GDAP1: variants seen among roughly 807,000 people sequenced by gnomAD.
GDAP1 encodes ganglioside induced differentiation associated protein 1, also known as ganglioside-induced differentiation-associated protein 1.
A neutral mutation model predicts 40.1 loss-of-function variants in GDAP1; 34 were observed. That is an observed-to-expected ratio of 0.85 (90% CI 0.64 to 1.13). The LOEUF is 1.13. GDAP1 is among the 50% of genes most tolerant of loss of function. The probability of loss-of-function intolerance (pLI) is 0.00; values close to 1 mark genes in which losing one functional copy is unlikely to be tolerated. For missense variants in GDAP1, 374 were observed against 433.7 expected (o/e 0.86, Z 1.22); for synonymous variants, 170 against 157.4 (o/e 1.08, Z -0.60).
rs200091629 is a variant in GDAP1, at chr8:74,416,936, T to G, written c.165+65615T>G. 1.0e-3 allele frequency among the ~76,000 whole-genome samples: 131 copies of G among 127,398 alleles called. 1 individual carries two copies. Among genetic ancestry groups the G allele is most frequent in the Non-Finnish European group, 1.4e-3 (80 of 58,948 alleles). The allele number at this position is 127,398 out of a possible 152,430, so 83.6% of individuals were successfully genotyped here. Reference sequence around the variant, plus strand: ...TTTGTTTTTTTGTTTTTTGTTTTTTTTTTTTTTAACAGAGGCATAGTGCAC... The same window carrying G: ...TTTGTTTTTTTGTTTTTTGTTTTTTGTTTTTTTAACAGAGGCATAGTGCAC... On this transcript the variant is annotated intron_variant, in intron 2 of 2. Transcript: ENST00000523640.
intron 2 of GDAP1, among the ~76,000 whole-genome samples, chr8:74,388,613 T>G (rs1193818607): frequency 6.6e-6 from 1 of 152,200 alleles, no homozygotes; most frequent in Non-Finnish European, 1.5e-5. Context: ...GTGGTCGATT[T>G]TATAATAAGG....
chr8:74,366,557 C>T lies in GDAP1; in HGVS notation c.*2190C>T, dbSNP rs760364158. ...TGTGTATTTTCTTTTTCATGATTAT[C>T]GGTGACTGGTCAGTGTACTCATCAA... On this transcript the variant is annotated 3_prime_UTR_variant, in exon 6 of 6. Coordinates refer to ENST00000220822, the MANE Select transcript of GDAP1 (RefSeq NM_018972.4). The T allele has an allele frequency of 1.5e-5, 7 of 453,590 alleles. No homozygotes were observed. The highest frequency in any genetic ancestry group is 6.8e-4 in the Middle Eastern group (1 of 1,466). 28.1% of individuals were successfully genotyped at this position (453,590 alleles called of 1,614,324 possible). A position where few individuals can be genotyped will look rare whatever the true frequency, so the allele number is the denominator to read the frequency against.
chr8:74,483,639 C>T (rs1806740523), intron 2 of GDAP1, among the ~76,000 whole-genome samples: 1 of 152,138 alleles, frequency 6.6e-6, no homozygotes, highest in Non-Finnish European at 1.5e-5. Flanking sequence ...CTCAGAGGCA[C>T]TACTAAGCAG....
downstream of GDAP1, among the ~76,000 whole-genome samples, chr8:74,370,454 T>G (rs1809728817): frequency 6.6e-6 from 1 of 152,192 alleles, no homozygotes; most frequent in Admixed American, 6.5e-5. Flanking sequence ...AAGGGTGAAG[T>G]AGTGCAATTT....
intron 2 of GDAP1, among the ~76,000 whole-genome samples, chr8:74,352,511 G>A (rs1355221837): frequency 6.6e-6 from 1 of 152,362 alleles, no homozygotes; most frequent in Non-Finnish European, 1.5e-5. Flanking sequence ...GAAGGAAAAT[G>A]AGTATTATTA....
At chr8:74,419,040 G>A (rs1229087167) in intron 2 of GDAP1, among the ~76,000 whole-genome samples, 1 of 152,156 alleles carries the variant, frequency 6.6e-6, no homozygotes, top group Admixed American at 6.6e-5. Flanking sequence ...CCAAGTGCGG[G>A]AGAATGCAGA....
chr8:74,457,943 G>A (rs1454206347), intron 2 of GDAP1, among the ~76,000 whole-genome samples: 1 of 151,984 alleles, frequency 6.6e-6, no homozygotes, highest in African/African-American at 2.4e-5. Context: ...CATAGTCCTT[G>A]GAAGTAGTGT....
At chr8:74,459,290 A>G (rs535018928) in intron 2 of GDAP1, among the ~76,000 whole-genome samples, 1 of 152,332 alleles carries the variant, frequency 6.6e-6, no homozygotes, top group East Asian at 1.9e-4. Context: ...GAGGAGAATG[A>G]GACCTAGAGA....
chr8:74,439,104 G>A (rs555629832), intron 2 of GDAP1, among the ~76,000 whole-genome samples: 1 of 151,600 alleles, frequency 6.6e-6, no homozygotes, highest in Non-Finnish European at 1.5e-5. Context: ...GTAGTCAAAT[G>A]TATTCATCTT....
In GDAP1 at chr8:74,416,933, T is replaced by TG. The variant is rs924519897; in HGVS notation, c.165+65612_165+65613insG. Among the ~76,000 whole-genome samples the TG allele has an allele frequency of 1.2e-4, 18 of 144,290 alleles. 3 individuals carry two copies. The highest frequency in any genetic ancestry group is 4.7e-4 in the African/African-American group (17 of 36,420). The allele number at this position is 144,290 out of a possible 152,430, so 94.7% of individuals were successfully genotyped here. On this transcript the variant is annotated intron_variant, in intron 2 of 2. Transcript: ENST00000523640. Reference sequence around the variant, plus strand: ...TTTTTTGTTTTTTTGTTTTTTGTTTTTTTTTTTTTTAACAGAGGCATAGTG... The same window carrying TG: ...TTTTTTGTTTTTTTGTTTTTTGTTTTGTTTTTTTTTTAACAGAGGCATAGTG...
In GDAP1 at chr8:74,366,825, T is replaced by C. The variant is rs1809659955; in HGVS notation, c.*2458T>C. The C allele has an allele frequency of 2.2e-6, 1 of 449,724 alleles. No individual in the cohort carries two copies. The highest frequency in any genetic ancestry group is 2.4e-5 in the Admixed American group (1 of 41,718). 27.9% of individuals were successfully genotyped at this position (449,724 alleles called of 1,614,324 possible). ...TGCAGTAGAGAGACCAAGACACTAT[T>C]CTGTAAGATCAATAAAAGTAATTGG... On this transcript the variant is annotated 3_prime_UTR_variant, in exon 6 of 6. Coordinates refer to ENST00000220822, the MANE Select transcript of GDAP1 (RefSeq NM_018972.4).
At chr8:74,350,776 G>A (rs143803734) in intron 1 of GDAP1, among the ~76,000 whole-genome samples, 198 bp downstream of exon 1, 291 of 152,346 alleles carry the variant, frequency 1.9e-3, no homozygotes, top group African/African-American at 6.5e-3. Flanking sequence ...ATCCTATGTG[G>A]CTATGGCCCA....
chr8:74,407,229 C>T lies in GDAP1; in HGVS notation c.165+55908C>T, dbSNP rs116805820. Among the ~76,000 whole-genome samples, 932 of 149,730 alleles carry T rather than the reference C, an allele frequency of 6.2e-3. 97 individuals are homozygous for T. Among genetic ancestry groups the T allele is most frequent in the African/African-American group, 0.022 (862 of 39,146 alleles). On this transcript the variant is annotated intron_variant, in intron 2 of 2. Transcript: ENST00000523640. ...GGAGGACTTCTTGAGACCAGGAGTT[C>T]GAGACCAGCCTGGACAATTTAATGA...
chr8:74,408,166 A>C lies in GDAP1; in HGVS notation c.165+56845A>C, dbSNP rs992500998. On this transcript the variant is annotated intron_variant, in intron 2 of 2. Transcript: ENST00000523640. ...ACACTCGAGGCCTGTATGTTCCAAA[A>C]TAAGAAAAGAGGAAGAGTGAAAGTA... Among the ~76,000 whole-genome samples, 5 of 150,234 alleles carry C rather than the reference A, an allele frequency of 3.3e-5. 1 individual carries two copies. The highest frequency in any genetic ancestry group is 1.3e-4 in the African/African-American group (5 of 39,534).
At chr8:74,485,831 G>A (rs1806769506) in intron 2 of GDAP1, among the ~76,000 whole-genome samples, 3 of 152,304 alleles carry the variant, frequency 2.0e-5, no homozygotes, top group South Asian at 4.1e-4. Context: ...GGATTAGGGG[G>A]AGTGTGGACT....
At chr8:74,354,417 C>G (rs2131501699) in intron 2 of GDAP1, among the ~76,000 whole-genome samples, 1 of 152,186 alleles carries the variant, frequency 6.6e-6, no homozygotes, top group Admixed American at 6.5e-5. Flanking sequence ...TCTTTTTTGA[C>G]TTGAGCCTAA....
intron 2 of GDAP1, among the ~76,000 whole-genome samples, chr8:74,467,901 A>G (rs966646803): frequency 1.3e-5 from 2 of 151,830 alleles, no homozygotes; most frequent in Non-Finnish European, 2.9e-5. Context: ...TGAGAGTTTC[A>G]TTTTTTTATA....
At chr8:74,473,680 C>T (rs974205707) in intron 2 of GDAP1, among the ~76,000 whole-genome samples, 1 of 152,084 alleles carries the variant, frequency 6.6e-6, no homozygotes, top group African/African-American at 2.4e-5. Context: ...GTTTTTGTAC[C>T]ACTGCCATGC....
At position 74,362,759 on chromosome 8, in the gene GDAP1, C is replaced by T. The variant is rs564048218; in HGVS notation, c.580-180C>T. Among the ~76,000 whole-genome samples the T allele has an allele frequency of 9.0e-5, 13 of 144,482 alleles. No individual in the cohort carries two copies. In the South Asian group the frequency reaches 2.9e-3, roughly 33 times the overall value. The allele number at this position is 144,482 out of a possible 152,430, so 94.8% of individuals were successfully genotyped here. The stretch of plus-strand genomic sequence containing the variant: ...GGTCATTTTCACAGCTGGGATATTT[C>T]CCTTCAACTTAGCTCTCTCTCTCTC... On this transcript the variant is annotated intron_variant, in intron 4 of 5. Transcript: ENST00000220822.
Sources: gnomAD v4.1 joint callset for allele counts (sites outside exome capture counted in the v4.1 genomes callset) on GRCh38, gnomAD v4.1.1 for gene constraint, MANE v1.5 for transcripts, NCBI Gene and HGNC (gene_info 2026-07-23, HGNC 2026-07-21) for gene names.